The following FGF7 variants were observed in gnomAD, a reference collection of about 807,000 sequenced individuals.
FGF7 encodes fibroblast growth factor 7, also known as FGF-7.
A neutral mutation model predicts 20.5 loss-of-function variants in FGF7; 6 were observed. That is an observed-to-expected ratio of 0.29 (90% CI 0.16 to 0.58). The LOEUF (loss-of-function observed/expected upper bound fraction) is 0.58, where lower values mean the gene tolerates loss of function less well. FGF7 is among the 20% of genes least tolerant of loss of function. FGF7 has a pLI of 0.90. For missense variants in FGF7, 144 were observed against 228.8 expected, an observed-to-expected ratio of 0.63 and a Z score of 2.39; for synonymous variants, 64 against 74.7, an observed-to-expected ratio of 0.86 and a Z score of 0.74.
At position 49,488,081 on chromosome 15, in the gene FGF7, A is replaced by G. The variant is rs938159105; in HGVS notation, c.*3577A>G. The stretch of plus-strand genomic sequence containing the variant: ...TGGGTGATTACTGGCCAATCAGAAT[A>G]CATCACTGATACATCGAAATGGATG... On this transcript the variant is annotated 3_prime_UTR_variant, in exon 4 of 4. Coordinates refer to ENST00000267843, the MANE Select transcript of FGF7 (RefSeq NM_002009.4). 4 of 152,028 alleles carry G rather than the reference A, an allele frequency of 2.6e-5. No homozygotes were observed. Among genetic ancestry groups the G allele is most frequent in the Non-Finnish European group, 5.9e-5 (4 of 67,942 alleles). The allele number at this position is 152,028 out of a possible 1,614,324, so 9.4% of individuals were successfully genotyped here. A position where few individuals can be genotyped will look rare whatever the true frequency, so the allele number is the denominator to read the frequency against.
At chr15:49,427,474 C>T (rs1026284318) in intron 2 of FGF7, among the ~76,000 whole-genome samples, 1 of 151,936 alleles carries the variant, frequency 6.6e-6, no homozygotes, top group Non-Finnish European at 1.5e-5. Flanking sequence ...TAAATTTTTT[C>T]AACAGGTTGT....
chr15:49,423,988 C>T, intron 1 of FGF7, 44 bp from the exon 2 acceptor site: 1 of 251,152 alleles, frequency 4.0e-6, no homozygotes, highest in African/African-American at 2.2e-5. Flanking sequence ...TTTTTATCTT[C>T]CTCTCTCCTC....
chr15:49,477,984 T>A (rs995843449), intron 2 of FGF7, among the ~76,000 whole-genome samples: 4 of 152,184 alleles, frequency 2.6e-5, no homozygotes, highest in African/African-American at 9.7e-5. Context: ...CCTGGGTATA[T>A]TGTGTGATAC....
chr15:49,477,452 G>C (rs2055449219), intron 2 of FGF7, among the ~76,000 whole-genome samples: 1 of 152,140 alleles, frequency 6.6e-6, no homozygotes, highest in Non-Finnish European at 1.5e-5. Context: ...TTTCAGACTG[G>C]TTTCTTTCAC....
chr15:49,427,822 G>A (rs1037709448), intron 2 of FGF7, among the ~76,000 whole-genome samples: 6 of 151,908 alleles, frequency 3.9e-5, no homozygotes, highest in Middle Eastern at 3.2e-3. Context: ...TTTTGGGCTC[G>A]GGTAGATGGT....
intron 2 of FGF7, among the ~76,000 whole-genome samples, chr15:49,448,083 C>T (rs2052388862): frequency 6.6e-6 from 1 of 151,610 alleles, no homozygotes; most frequent in Non-Finnish European, 1.5e-5. Flanking sequence ...CTTATCAGAA[C>T]TTCAAAAGAC....
intron 2 of FGF7, among the ~76,000 whole-genome samples, chr15:49,430,971 G>C (rs1341522243): frequency 6.6e-6 from 1 of 151,680 alleles, no homozygotes; most frequent in Non-Finnish European, 1.5e-5. Context: ...ACAACATTAG[G>C]GCAAAGCTTT....
At chr15:49,464,883 A>C (rs1185336679) in intron 2 of FGF7, among the ~76,000 whole-genome samples, 1 of 152,202 alleles carries the variant, frequency 6.6e-6, no homozygotes, top group Non-Finnish European at 1.5e-5. Context: ...GAATGAATAA[A>C]TGAATAACGT....
rs1467230110 is a variant in FGF7 at position 49,486,898 on chromosome 15, C to T, written c.*2394C>T. On this transcript the variant is annotated 3_prime_UTR_variant, in exon 4 of 4. Coordinates refer to ENST00000267843, the MANE Select transcript of FGF7 (RefSeq NM_002009.4). ...TTAAAACTGTAAGGGGCCTCCATCC[C>T]TCTTACTCATTTGTAGTCTAGGAAA... 6.6e-6 allele frequency: 1 copy of T among 151,892 alleles called. No homozygotes were observed. Among genetic ancestry groups the T allele is most frequent in the Admixed American group, 6.6e-5 (1 of 15,210 alleles). The allele number at this position is 151,892 out of a possible 1,614,324, so 9.4% of individuals were successfully genotyped here.
chr15:49,479,445 G>A (rs2055679151), intron 2 of FGF7, among the ~76,000 whole-genome samples: 1 of 151,930 alleles, frequency 6.6e-6, no homozygotes, highest in South Asian at 2.1e-4. Flanking sequence ...TTTTATGTGA[G>A]GCAACGGATA....
chr15:49,437,901 C>G (rs137937747), intron 2 of FGF7, among the ~76,000 whole-genome samples: 145 of 151,526 alleles, frequency 9.6e-4, no homozygotes, highest in African/African-American at 3.3e-3. Flanking sequence ...GCTAACAGAA[C>G]CTGGGAGAGA....
chr15:49,460,873 C>T (rs1345698367), intron 2 of FGF7, among the ~76,000 whole-genome samples: 3 of 152,076 alleles, frequency 2.0e-5, no homozygotes, highest in Non-Finnish European at 2.9e-5. Flanking sequence ...TTTGTTTTGT[C>T]TTTTTCAGAA....
In FGF7 at chr15:49,486,780, T is replaced by C. The variant is rs2056433755; in HGVS notation, c.*2276T>C. 1 of 151,932 alleles carries C rather than the reference T, an allele frequency of 6.6e-6. No individual in the cohort carries two copies. Among genetic ancestry groups the C allele is most frequent in the Admixed American group, 6.6e-5 (1 of 15,216 alleles). The allele number at this position is 151,932 out of a possible 1,614,324, so 9.4% of individuals were successfully genotyped here. On this transcript the variant is annotated 3_prime_UTR_variant, in exon 4 of 4. Transcript: ENST00000267843. The stretch of plus-strand genomic sequence containing the variant: ...AAAAGACTTCTAGAAATATGTACTT[T>C]AATTATTTGTTTTTCTCCTATTTTT...
At chr15:49,465,096 GAAATATT>G (rs745457600) in intron 2 of FGF7, among the ~76,000 whole-genome samples, 4 of 152,018 alleles carry the variant, frequency 2.6e-5, no homozygotes, top group Non-Finnish European at 4.4e-5. Context: ...GATAACTCAT[GAAATATT>G]AGAAGTAGAA....
chr15:49,434,721 A>G (rs943644588), intron 2 of FGF7: 4 of 151,590 alleles, frequency 2.6e-5, no homozygotes, highest in Non-Finnish European at 5.9e-5. Context: ...GCTTCGAATG[A>G]TTGCTATGTT....
intron 2 of FGF7, chr15:49,425,598 T>G (rs1285338037): frequency 1.3e-5 from 2 of 151,978 alleles, no homozygotes; most frequent in East Asian, 3.9e-4. Context: ...TGTAAACATG[T>G]GCAAATCACA....
chr15:49,440,709 T>G (rs970002161), intron 2 of FGF7, among the ~76,000 whole-genome samples: 3 of 151,612 alleles, frequency 2.0e-5, no homozygotes, highest in Non-Finnish European at 3.0e-5. Flanking sequence ...ATGAGGAAAA[T>G]GAGGCTCAGT....
chr15:49,443,959 T>C (rs2051930631), intron 2 of FGF7, among the ~76,000 whole-genome samples: 1 of 151,742 alleles, frequency 6.6e-6, no homozygotes, highest in African/African-American at 2.4e-5. Context: ...CTTCTACATA[T>C]AATCTATCAT....
intron 2 of FGF7, among the ~76,000 whole-genome samples, chr15:49,465,374 G>C (rs562649986): frequency 5.3e-5 from 8 of 151,210 alleles, no homozygotes; most frequent in African/African-American, 1.9e-4. Context: ...GAGCTCAAGT[G>C]ATCTGCCCAC....
Sources: allele counts gnomAD v4.1 joint callset (sites outside exome capture counted in the v4.1 genomes callset), GRCh38; gene constraint gnomAD v4.1.1; transcripts MANE v1.5; gene names NCBI Gene and HGNC (gene_info 2026-07-23, HGNC 2026-07-21).